ALDH1A3: variants seen among roughly 807,000 people sequenced by gnomAD.
The protein encoded by ALDH1A3 is aldehyde dehydrogenase 1 family member A3, also known as retinaldehyde dehydrogenase 3.
ALDH1A3 carries 28 observed loss-of-function variants against 57.5 expected under a neutral mutation model. The ratio of observed to expected loss-of-function variants is 0.49; its 90% CI spans 0.36 to 0.67. The LOEUF (loss-of-function observed/expected upper bound fraction) is 0.67, where lower values mean the gene tolerates loss of function less well. Among genes scored for constraint, ALDH1A3 ranks in the 30% least tolerant of loss-of-function variants. The pLI is 0.00. For missense variants in ALDH1A3, 507 were observed against 669.4 expected (o/e 0.76, Z 2.68); for synonymous variants, 281 against 264.8 (o/e 1.06, Z -0.59).
rs1130737 is a variant in ALDH1A3 at position 100,879,950 on chromosome 15, A to G, written c.43A>G (p.Arg15Gly). 12,650 of 1,472,488 alleles carry G rather than the reference A, an allele frequency of 8.6e-3. 81 individuals carry two copies. Among genetic ancestry groups the G allele is most frequent in the Non-Finnish European group, 0.011 (11,771 of 1,110,452 alleles). 91.2% of individuals were successfully genotyped at this position (1,472,488 alleles called of 1,614,324 possible). ...NGAVENGQPD[R>G]KPPALPRPIR... Reference sequence around the variant, plus strand: ...GGCCGTGGAAAACGGGCAGCCGGACAGGAAGCCGCCGGCCCTGCCGCGCCC... The same window carrying G: ...GGCCGTGGAAAACGGGCAGCCGGACGGGAAGCCGCCGGCCCTGCCGCGCCC... Residue 15 changes from arginine to glycine, a missense_variant, in exon 1 of 13, where the codon AGG becomes GGG. Arg to Gly is a moderately radical substitution (Grantham distance 125). Transcript: ENST00000329841.
chr15:100,902,494 G>A (rs1022810981), intron 9 of ALDH1A3, among the ~76,000 whole-genome samples: 1 of 152,172 alleles, frequency 6.6e-6, no homozygotes, highest in South Asian at 2.1e-4. Flanking sequence ...ACCTAGATCC[G>A]GGTCCACGGC....
intron 12 of ALDH1A3, among the ~76,000 whole-genome samples, chr15:100,908,795 A>G (rs2041852293): frequency 6.6e-6 from 1 of 152,226 alleles, no homozygotes; most frequent in Non-Finnish European, 1.5e-5. Flanking sequence ...GCAGAACTGA[A>G]AAAGTGTACT....
chr15:100,900,282 G>A (rs1251312565), intron 8 of ALDH1A3, among the ~76,000 whole-genome samples: 1 of 152,202 alleles, frequency 6.6e-6, no homozygotes. Context: ...CTAGAAAAAG[G>A]CAAGTGAAAT....
At chr15:100,897,995 G>T in intron 7 of ALDH1A3, 88 bp from the exon 8 acceptor site, 10 of 1,312,020 alleles carry the variant, frequency 7.6e-6, no homozygotes, top group Non-Finnish European at 1.1e-5. Flanking sequence ...CTGCCACCCG[G>T]GCTTGATCAG....
chr15:100,902,842 G>C (rs911701726), intron 9 of ALDH1A3, among the ~76,000 whole-genome samples: 1 of 152,224 alleles, frequency 6.6e-6, no homozygotes, highest in African/African-American at 2.4e-5. Context: ...TTTCCACGGG[G>C]ACCCAGCACT....
chr15:100,885,474 G>T lies in ALDH1A3; in HGVS notation c.204+103G>T, dbSNP rs1567167492. 15 of 833,222 alleles carry T rather than the reference G, an allele frequency of 1.8e-5. No individual in the cohort carries two copies. In the South Asian group the frequency reaches 2.3e-4, roughly 13 times the overall value. 51.6% of individuals were successfully genotyped at this position (833,222 alleles called of 1,614,324 possible). On this transcript the variant is annotated intron_variant, in intron 2 of 12. Coordinates refer to ENST00000329841, the MANE Select transcript of ALDH1A3 (RefSeq NM_000693.4). ...TATAAGACAGAACTGGCCTATCCTG[G>T]GGGCAGGGCCTGGGCTAGCTGCGTG...
chr15:100,908,130 T>TCC (rs2041844787), intron 11 of ALDH1A3, among the ~76,000 whole-genome samples: 3 of 152,178 alleles, frequency 2.0e-5, no homozygotes, highest in African/African-American at 4.8e-5. Context: ...ATTACAGGCA[T>TCC]AAGTCATCAT....
At position 100,880,125 on chromosome 15, in the gene ALDH1A3, G is replaced by T. The variant is rs147134026; in HGVS notation, c.99+119G>T. The T allele has an allele frequency of 3.3e-3, 2,067 of 622,534 alleles. 48 individuals carry two copies. The East Asian group carries it at 0.056, about 17-fold the overall frequency. The allele number at this position is 622,534 out of a possible 1,614,324, so 38.6% of individuals were successfully genotyped here. A position where few individuals can be genotyped will look rare whatever the true frequency, so the allele number is the denominator to read the frequency against. Reference sequence around the variant, plus strand: ...GGTCCGCCGGGCGCCGCCGAGACCCGAGCCTCCCTGCCCGGGCGCGGCTCT... The same window carrying T: ...GGTCCGCCGGGCGCCGCCGAGACCCTAGCCTCCCTGCCCGGGCGCGGCTCT... On this transcript the variant is annotated intron_variant, in intron 1 of 12. Coordinates refer to ENST00000329841, the MANE Select transcript of ALDH1A3 (RefSeq NM_000693.4).
At chr15:100,886,743 T>C (rs1228491187) in intron 2 of ALDH1A3, among the ~76,000 whole-genome samples, 2 of 152,320 alleles carry the variant, frequency 1.3e-5, no homozygotes, top group East Asian at 1.9e-4. Flanking sequence ...GAAGGTTCCG[T>C]TGTGATTATT....
chr15:100,879,894 AGC>A lies in ALDH1A3; in HGVS notation c.-10_-9del, dbSNP rs746504064. The stretch of plus-strand genomic sequence containing the variant: ...CAGACTAGGGCGCCTCGGGCCAGGG[AGC>A]GCGGAGGAGCCATGGCCACCGCTAA... On this transcript the variant is annotated 5_prime_UTR_variant, in exon 1 of 13. Coordinates refer to ENST00000329841, the MANE Select transcript of ALDH1A3 (RefSeq NM_000693.4). 67 of 1,403,128 alleles carry A rather than the reference AGC, an allele frequency of 4.8e-5. No individual in the cohort carries two copies. In the African/African-American group the frequency reaches 9.6e-4, roughly 20 times the overall value. The allele number at this position is 1,403,128 out of a possible 1,614,324, so 86.9% of individuals were successfully genotyped here. A position where few individuals can be genotyped will look rare whatever the true frequency, so the allele number is the denominator to read the frequency against.
At chr15:100,880,529 G>T (rs1030348451) in intron 1 of ALDH1A3, 1 of 278,544 alleles carries the variant, frequency 3.6e-6, no homozygotes. Context: ...AGCGCAGCGG[G>T]CGCCTTCCGT....
At position 100,908,580 on chromosome 15, in the gene ALDH1A3, C is replaced by T. The variant is rs1261641505; in HGVS notation, c.1466+98C>T. The T allele has an allele frequency of 2.7e-5, 28 of 1,036,656 alleles. No homozygotes were observed. The East Asian group carries it at 4.5e-4, about 16-fold the overall frequency. 64.2% of individuals were successfully genotyped at this position (1,036,656 alleles called of 1,614,324 possible). A position where few individuals can be genotyped will look rare whatever the true frequency, so the allele number is the denominator to read the frequency against. On this transcript the variant is annotated intron_variant, in intron 12 of 12. Transcript: ENST00000329841. ...AGGCTCCAATCTGCTGACACCCCGT[C>T]CCCCCCACACCGCCGCTCTGTCTGG... is the stretch of plus-strand genomic sequence containing the variant.
intron 9 of ALDH1A3, among the ~76,000 whole-genome samples, chr15:100,901,115 G>A (rs138415147): frequency 5.2e-4 from 79 of 152,272 alleles, no homozygotes; most frequent in Non-Finnish European, 1.1e-3. Context: ...GTCGCAGCCC[G>A]AGGCCCTCAA....
intron 11 of ALDH1A3, among the ~76,000 whole-genome samples, chr15:100,907,738 G>C (rs1162239633): frequency 2.0e-5 from 3 of 151,750 alleles, no homozygotes; most frequent in African/African-American, 7.3e-5. Context: ...AATAAGCCCA[G>C]AATCATATAA....
Position 100,893,499 on chromosome 15 carries a change from TA to T in ALDH1A3, c.538-453del, listed in dbSNP as rs1567169866. The T allele has an allele frequency of 5.9e-6, 1 of 169,442 alleles. No homozygotes were observed. Among genetic ancestry groups the T allele is most frequent in the Non-Finnish European group, 1.3e-5 (1 of 78,938 alleles). The allele number at this position is 169,442 out of a possible 1,614,324, so 10.5% of individuals were successfully genotyped here. A position where few individuals can be genotyped will look rare whatever the true frequency, so the allele number is the denominator to read the frequency against. On this transcript the variant is annotated intron_variant, in intron 5 of 12. Transcript: ENST00000329841. This position sits in a 1 kb window ranked among gnomAD's most constrained non-coding sequence, Gnocchi z 4.8. ...GCCAGCTTCCAGCAGCTTTGGCTGC[TA>T]AGGGGCCGGGACTTTATTCATTGGG... is the stretch of plus-strand genomic sequence containing the variant.
Position 100,893,049 on chromosome 15 carries a change from GC to G in ALDH1A3, c.537+47del. 1 of 1,542,318 alleles carries G rather than the reference GC, an allele frequency of 6.5e-7. No individual in the cohort carries two copies. Among genetic ancestry groups the G allele is most frequent in the Non-Finnish European group, 8.9e-7 (1 of 1,121,816 alleles). On this transcript the variant is annotated intron_variant, in intron 5 of 12. Transcript: ENST00000329841. The surrounding 1 kb of genome is among the most constrained non-coding windows in gnomAD (Gnocchi z 4.8). ...TCTCAGTAGATTCTATGTAGATCCT[GC>G]CCCACTGCCCTGTGTCCTTTGGAAT...
At chr15:100,905,953 C>T in intron 10 of ALDH1A3, among the ~76,000 whole-genome samples, 1 of 152,104 alleles carries the variant, frequency 6.6e-6, no homozygotes, top group Non-Finnish European at 1.5e-5. Context: ...CATGGCTCAC[C>T]CTCTCTGGGA....
chr15:100,900,979 G>A (rs942629792), intron 9 of ALDH1A3, among the ~76,000 whole-genome samples: 2 of 152,184 alleles, frequency 1.3e-5, no homozygotes, highest in East Asian at 1.9e-4. Flanking sequence ...GGAGGAGGGC[G>A]CTATTCCCAG....
At position 100,887,545 on chromosome 15, in the gene ALDH1A3, T is replaced by C. The variant is rs2141549972; in HGVS notation, c.205-27T>C. The C allele has an allele frequency of 6.6e-7, 1 of 1,524,886 alleles. No homozygotes were observed. Among genetic ancestry groups the C allele is most frequent in the South Asian group, 1.3e-5 (1 of 79,310 alleles). The allele number at this position is 1,524,886 out of a possible 1,614,324, so 94.5% of individuals were successfully genotyped here. Reference sequence around the variant, plus strand: ...CTGCAGTCACGTCAAAAGATGACAGTCTCTCTCTGTTGTTCTGGTCGCTCA... The same window carrying C: ...CTGCAGTCACGTCAAAAGATGACAGCCTCTCTCTGTTGTTCTGGTCGCTCA... On this transcript the variant is annotated intron_variant, in intron 2 of 12. Transcript: ENST00000329841. The surrounding 1 kb of genome is among the most constrained non-coding windows in gnomAD (Gnocchi z 4.6).
Sources: allele counts gnomAD v4.1 joint callset (sites outside exome capture counted in the v4.1 genomes callset), GRCh38; gene constraint gnomAD v4.1.1; non-coding constraint Gnocchi (gnomAD v3.1); transcripts MANE v1.5; gene names NCBI Gene and HGNC (gene_info 2026-07-23, HGNC 2026-07-21).